The following UBE2E2 variants were observed in gnomAD, a reference collection of about 807,000 sequenced individuals.
The protein encoded by UBE2E2 is ubiquitin conjugating enzyme E2 E2, also known as ubiquitin-conjugating enzyme E2 E2.
A neutral mutation model predicts 24.7 loss-of-function variants in UBE2E2; 6 were observed. The ratio of observed to expected loss-of-function variants is 0.24; its 90% confidence interval spans 0.13 to 0.48. UBE2E2 has a LOEUF of 0.48. UBE2E2 is among the 20% of genes least tolerant of loss of function. The pLI is 0.99. For synonymous variants in UBE2E2, 104 were observed against 83.6 expected, an observed-to-expected ratio of 1.24 and a Z score of -1.33; for missense variants, 169 against 245.0, an observed-to-expected ratio of 0.69 and a Z score of 2.07.
chr3:23,256,609 T>C (rs1420842508), intron 3 of UBE2E2, among the ~76,000 whole-genome samples: 2 of 151,126 alleles, frequency 1.3e-5, no homozygotes, highest in African/African-American at 4.8e-5. Flanking sequence ...TTGAAAGCAA[T>C]TAATAAAATC....
intron 3 of UBE2E2, among the ~76,000 whole-genome samples, chr3:23,437,773 G>A (rs555387857): frequency 1.7e-4 from 26 of 152,230 alleles, no homozygotes; most frequent in African/African-American, 5.1e-4. Flanking sequence ...TACTTGTATC[G>A]TAGATTGTGT....
At position 23,352,918 on chromosome 3, in the gene UBE2E2, A is replaced by C. The variant is rs28889973; in HGVS notation, c.227+135606A>C. Among the ~76,000 whole-genome samples the C allele has an allele frequency of 7.2e-3, 1,091 of 152,334 alleles. 12 individuals carry two copies. Among genetic ancestry groups the C allele is most frequent in the African/African-American group, 0.025 (1,029 of 41,566 alleles). On this transcript the variant is annotated intron_variant, in intron 3 of 5. Transcript: ENST00000396703. ...CATCATCCTGATACCAAAGCCGGGCAGAGACACAACCAAAAAGGAGAATTT... is the reference window on the plus strand; with the variant it reads ...CATCATCCTGATACCAAAGCCGGGCCGAGACACAACCAAAAAGGAGAATTT...
At chr3:23,330,886 G>A (rs1406815042) in intron 3 of UBE2E2, among the ~76,000 whole-genome samples, 1 of 152,118 alleles carries the variant, frequency 6.6e-6, no homozygotes, top group African/African-American at 2.4e-5. Context: ...AAAAAGATTA[G>A]AATGAAACTG....
chr3:23,364,388 TAGAG>T (rs752723164), intron 3 of UBE2E2, among the ~76,000 whole-genome samples: 119 of 151,672 alleles, frequency 7.8e-4, no homozygotes, highest in Non-Finnish European at 1.1e-3. Context: ...GCGAGACTAA[TAGAG>T]AGAGAGACAG....
intron 5 of UBE2E2, among the ~76,000 whole-genome samples, chr3:23,569,831 T>G (rs1340388180): frequency 6.6e-6 from 1 of 152,208 alleles, no homozygotes; most frequent in African/African-American, 2.4e-5. Flanking sequence ...AGGCTGAGTT[T>G]TTAAGTTTTT....
intron 3 of UBE2E2, among the ~76,000 whole-genome samples, chr3:23,249,141 C>T (rs970608660): frequency 9.2e-5 from 14 of 151,834 alleles, no homozygotes; most frequent in African/African-American, 1.9e-4. Context: ...CATGGTGGCA[C>T]ACACCTGTAG....
At chr3:23,319,795 A>G (rs1694693600) in intron 3 of UBE2E2, among the ~76,000 whole-genome samples, 1 of 139,408 alleles carries the variant, frequency 7.2e-6, no homozygotes, top group South Asian at 2.1e-4. Context: ...AGCCTGGGCA[A>G]CAGAGCAAGG....
chr3:23,420,719 G>T (rs571255320), intron 3 of UBE2E2, among the ~76,000 whole-genome samples: 4 of 151,742 alleles, frequency 2.6e-5, no homozygotes, highest in Admixed American at 6.6e-5. Context: ...ATCATGATAT[G>T]TTTTTTTTGC....
At chr3:23,240,391 C>T (rs1280018633) in intron 3 of UBE2E2, among the ~76,000 whole-genome samples, 2 of 152,204 alleles carry the variant, frequency 1.3e-5, no homozygotes, top group Non-Finnish European at 2.9e-5. Context: ...ACCAAATAAA[C>T]AGCTAACTTG....
At chr3:23,319,175 A>G (rs1470951378) in intron 3 of UBE2E2, among the ~76,000 whole-genome samples, 1 of 152,248 alleles carries the variant, frequency 6.6e-6, no homozygotes, top group African/African-American at 2.4e-5. Context: ...GTTAAGTGAA[A>G]TTGGTTAAAA....
At chr3:23,326,582 C>T (rs765959531) in intron 3 of UBE2E2, among the ~76,000 whole-genome samples, 44 of 152,164 alleles carry the variant, frequency 2.9e-4, no homozygotes, top group South Asian at 4.1e-4. Context: ...ATTAATGTCA[C>T]ATATCCTATA....
chr3:23,507,791 A>G (rs534017550), intron 4 of UBE2E2, among the ~76,000 whole-genome samples: 16 of 152,348 alleles, frequency 1.1e-4, no homozygotes, highest in African/African-American at 3.8e-4. Flanking sequence ...GAGAGGAAAG[A>G]CAGTATGAGG....
Position 23,398,041 on chromosome 3 carries a change from G to A in UBE2E2, c.228-101567G>A, listed in dbSNP as rs570862911. ...TCAAAAGAAACTTGGGGCCAGGCGCGGTGGCTCACACCTGTAATCCCAGCA... is the reference window on the plus strand; with the variant it reads ...TCAAAAGAAACTTGGGGCCAGGCGCAGTGGCTCACACCTGTAATCCCAGCA... On this transcript the variant is annotated intron_variant, in intron 3 of 5. Transcript: ENST00000396703. Among the ~76,000 whole-genome samples, 9 of 152,180 alleles carry A rather than the reference G, an allele frequency of 5.9e-5. No homozygotes were observed. The East Asian group carries it at 1.4e-3, about 23-fold the overall frequency.
chr3:23,321,607 A>G (rs928390243), intron 3 of UBE2E2, among the ~76,000 whole-genome samples: 3 of 149,404 alleles, frequency 2.0e-5, no homozygotes, highest in African/African-American at 7.4e-5. Context: ...ACCCCACTAG[A>G]ATAGCTCTTC....
At chr3:23,573,796 T>C (rs530148515) in intron 5 of UBE2E2, among the ~76,000 whole-genome samples, 6 of 152,174 alleles carry the variant, frequency 3.9e-5, no homozygotes, top group East Asian at 1.9e-4. Flanking sequence ...TTGTGGGCAA[T>C]GTACGCCAAT....
intron 3 of UBE2E2, among the ~76,000 whole-genome samples, chr3:23,379,769 T>C (rs1190317751): frequency 6.6e-6 from 1 of 152,054 alleles, no homozygotes; most frequent in Non-Finnish European, 1.5e-5. Context: ...TCTGAGGAGG[T>C]GACCTTTACG....
intron 3 of UBE2E2, among the ~76,000 whole-genome samples, chr3:23,273,527 T>G (rs1698304758): frequency 1.5e-5 from 1 of 65,086 alleles, no homozygotes; most frequent in African/African-American, 6.0e-5. Flanking sequence ...CGAGACTCCG[T>G]CTCAAAAAAA....
intron 3 of UBE2E2, among the ~76,000 whole-genome samples, chr3:23,241,793 A>G (rs1330243366): frequency 6.6e-6 from 1 of 152,216 alleles, no homozygotes; most frequent in African/African-American, 2.4e-5. Context: ...GGAACGTAGT[A>G]AATGTTCAAT....
At chr3:23,206,894 T>A (rs1192153629) in intron 1 of UBE2E2, among the ~76,000 whole-genome samples, 1 of 152,202 alleles carries the variant, frequency 6.6e-6, no homozygotes, top group African/African-American at 2.4e-5. Flanking sequence ...CTTGATCATA[T>A]CAGAAACAGT....
Sources: gnomAD v4.1 joint callset for allele counts (sites outside exome capture counted in the v4.1 genomes callset) on GRCh38, gnomAD v4.1.1 for gene constraint, MANE v1.5 for transcripts, NCBI Gene and HGNC (gene_info 2026-07-23, HGNC 2026-07-21) for gene names.